LDLRAD3: variants seen among roughly 807,000 people sequenced by gnomAD.
The protein encoded by LDLRAD3 is low density lipoprotein receptor class A domain containing 3.
Under a neutral mutation model 29.4 loss-of-function variants are expected in LDLRAD3, and 20 were observed. The observed-to-expected ratio is 0.68, with a 90% CI of 0.48 to 0.99. LDLRAD3 has a LOEUF of 0.99. Among genes scored for constraint, LDLRAD3 ranks in the 50% least tolerant of loss-of-function variants. The probability of loss-of-function intolerance (pLI) is 0.00; values close to 1 mark genes in which losing one functional copy is unlikely to be tolerated. For synonymous variants in LDLRAD3, 157 were observed against 192.7 expected, an observed-to-expected ratio of 0.81 and a Z score of 1.53; for missense variants, 420 against 454.3, an observed-to-expected ratio of 0.92 and a Z score of 0.69.
At chr11:36,037,367 G>A (rs1030422120) in intron 2 of LDLRAD3, among the ~76,000 whole-genome samples, 34 of 152,098 alleles carry the variant, frequency 2.2e-4, no homozygotes, top group Non-Finnish European at 4.4e-5. Flanking sequence ...CGGGGCTGGA[G>A]TGCAGTGGTG....
Position 36,062,887 on chromosome 11 carries a change from T to C in LDLRAD3, c.194-18766T>C, listed in dbSNP as rs1050767068. On this transcript the variant is annotated intron_variant, in intron 2 of 5. Transcript: ENST00000315571. The stretch of plus-strand genomic sequence containing the variant: ...TTGGGTATGTCTTTAGGTGTATCTT[T>C]ATTAGAAGGGACTAATACGTTGACC... Among the ~76,000 whole-genome samples, 8 of 152,182 alleles carry C rather than the reference T, an allele frequency of 5.3e-5. 1 individual carries two copies. The highest frequency in any genetic ancestry group is 1.0e-4 in the Non-Finnish European group (7 of 68,024).
intron 2 of LDLRAD3, among the ~76,000 whole-genome samples, chr11:36,079,758 G>C (rs1245335286): frequency 6.6e-6 from 1 of 152,198 alleles, no homozygotes; most frequent in Non-Finnish European, 1.5e-5. Context: ...GGTATTTAAT[G>C]AAAGGATGTT....
chr11:36,141,037 C>CTCTCTCTCTCTCTCT (rs1389366552), intron 4 of LDLRAD3, among the ~76,000 whole-genome samples: 36 of 45,498 alleles, frequency 7.9e-4, no homozygotes, highest in South Asian at 1.8e-3. Context: ...TCTCTCTCTC[C>CTCTCTCTCTCTCTCT]GTGTGGGGGT....
At chr11:35,945,819 A>C (rs1344557789) in intron 1 of LDLRAD3, among the ~76,000 whole-genome samples, 1 of 152,174 alleles carries the variant, frequency 6.6e-6, no homozygotes, top group Non-Finnish European at 1.5e-5. Context: ...CTGTAAAAAT[A>C]GTTGTAAAGT....
chr11:35,973,959 A>G (rs1590697565), intron 1 of LDLRAD3, among the ~76,000 whole-genome samples: 1 of 152,172 alleles, frequency 6.6e-6, no homozygotes, highest in South Asian at 2.1e-4. Flanking sequence ...ACATCTTTCC[A>G]TAAGTGTAAG....
chr11:36,199,100 C>G (rs1855078953), intron 4 of LDLRAD3, among the ~76,000 whole-genome samples: 1 of 152,102 alleles, frequency 6.6e-6, no homozygotes, highest in African/African-American at 2.4e-5. Context: ...CGGGGTTTCA[C>G]CTTATTAGCC....
rs192723428 is a variant in LDLRAD3 at position 35,992,419 on chromosome 11, A to G, written c.47-43684A>G. Among the ~76,000 whole-genome samples, 386 of 152,326 alleles carry G rather than the reference A, an allele frequency of 2.5e-3. 2 individuals are homozygous for G. Among genetic ancestry groups the G allele is most frequent in the African/African-American group, 8.2e-3 (339 of 41,570 alleles). On this transcript the variant is annotated intron_variant, in intron 1 of 5. Coordinates refer to ENST00000315571, the MANE Select transcript of LDLRAD3 (RefSeq NM_174902.4). Reference sequence around the variant, plus strand: ...CTGGTGGTTCATAGCAGCATTCATAATAGCCTGAAAGTGGCAACAACCCAC... The same window carrying G: ...CTGGTGGTTCATAGCAGCATTCATAGTAGCCTGAAAGTGGCAACAACCCAC...
intron 1 of LDLRAD3, among the ~76,000 whole-genome samples, chr11:36,012,128 G>A (rs1851962985): frequency 6.6e-6 from 1 of 151,932 alleles, no homozygotes; most frequent in African/African-American, 2.4e-5. Flanking sequence ...CTTATCTTCG[G>A]GGGGTACATT....
At chr11:36,048,070 T>C (rs922569235) in intron 2 of LDLRAD3, among the ~76,000 whole-genome samples, 3 of 152,164 alleles carry the variant, frequency 2.0e-5, no homozygotes, top group African/African-American at 7.2e-5. Flanking sequence ...AGGGATGCAT[T>C]GTGCCATGTA....
chr11:36,121,073 C>T (rs138106293), intron 4 of LDLRAD3, among the ~76,000 whole-genome samples: 3 of 152,166 alleles, frequency 2.0e-5, no homozygotes, highest in African/African-American at 4.8e-5. Flanking sequence ...TAAGCCACCG[C>T]CTCTCTAGTT....
intron 4 of LDLRAD3, among the ~76,000 whole-genome samples, chr11:36,122,432 C>T (rs1164548163): frequency 6.6e-6 from 1 of 152,152 alleles, no homozygotes; most frequent in Non-Finnish European, 1.5e-5. Context: ...AAACAGGATT[C>T]ATCTCCTTAA....
intron 2 of LDLRAD3, among the ~76,000 whole-genome samples, chr11:36,047,321 C>T (rs184572061): frequency 1.3e-5 from 2 of 152,348 alleles, no homozygotes; most frequent in African/African-American, 2.4e-5. Context: ...CATGTCCATT[C>T]TGCATCTTTC....
At chr11:35,980,143 T>TC (rs1337169769) in intron 1 of LDLRAD3, among the ~76,000 whole-genome samples, 3 of 152,242 alleles carry the variant, frequency 2.0e-5, no homozygotes. Context: ...ATGCTGATTA[T>TC]CCAGGCAATT....
intron 4 of LDLRAD3, among the ~76,000 whole-genome samples, chr11:36,222,063 G>A (rs1013855183): frequency 7.9e-5 from 12 of 152,048 alleles, no homozygotes; most frequent in Admixed American, 5.2e-4. Flanking sequence ...TTTCATGAAT[G>A]CTCATTTTGT....
intron 1 of LDLRAD3, among the ~76,000 whole-genome samples, chr11:35,970,023 AG>A: frequency 6.6e-6 from 1 of 152,306 alleles, no homozygotes; most frequent in Admixed American, 6.5e-5. Flanking sequence ...CTGGGAAAGT[AG>A]CCTGCTGTAT....
chr11:36,229,093 T>G, intron 5 of LDLRAD3, 67 bp from the exon 6 acceptor site: 1 of 1,106,820 alleles, frequency 9.0e-7, no homozygotes. Context: ...TGGCTTATCT[T>G]GGCCCTAATG....
intron 4 of LDLRAD3, among the ~76,000 whole-genome samples, chr11:36,135,247 A>AG (rs1853987259): frequency 6.6e-6 from 1 of 152,230 alleles, no homozygotes; most frequent in South Asian, 2.1e-4. Flanking sequence ...CCAGAAGTCC[A>AG]GGGAAATGTC....
chr11:36,002,499 C>T (rs1350907443), intron 1 of LDLRAD3, among the ~76,000 whole-genome samples: 2 of 152,148 alleles, frequency 1.3e-5, no homozygotes, highest in African/African-American at 2.4e-5. Flanking sequence ...GGAGCACGTG[C>T]GATCATCTCA....
intron 1 of LDLRAD3, among the ~76,000 whole-genome samples, chr11:35,974,785 A>C (rs1851456093): frequency 6.6e-6 from 1 of 152,210 alleles, no homozygotes; most frequent in African/African-American, 2.4e-5. Flanking sequence ...CCATTTATGG[A>C]TTAGAAGGAA....
Sources: allele counts gnomAD v4.1 joint callset (sites outside exome capture counted in the v4.1 genomes callset), GRCh38; gene constraint gnomAD v4.1.1; transcripts MANE v1.5; gene names NCBI Gene and HGNC (gene_info 2026-07-23, HGNC 2026-07-21).